Variants in SLC35A3 observed in about 807,000 individuals in gnomAD.
The protein encoded by SLC35A3 is solute carrier family 35 member A3, also known as UDP-N-acetylglucosamine transporter.
In SLC35A3, 26 loss-of-function variants were observed where a neutral mutation model predicts 39.0. The ratio of observed to expected loss-of-function variants is 0.67; its 90% CI spans 0.49 to 0.92. SLC35A3 has a LOEUF of 0.92. Among genes scored for constraint, SLC35A3 ranks in the 40% least tolerant of loss-of-function variants. The pLI is 0.00. For synonymous variants in SLC35A3, 135 were observed against 133.1 expected (o/e 1.01, Z -0.10); for missense variants, 299 against 371.6 (o/e 0.80, Z 1.61).
intron 3 of SLC35A3, among the ~76,000 whole-genome samples, chr1:100,000,434 C>T (rs543453398): frequency 6.6e-5 from 10 of 151,850 alleles, no homozygotes; most frequent in South Asian, 2.1e-4. Context: ...ATTATTTGTT[C>T]TTACGCTCTG....
Position 100,032,441 on chromosome 1 carries a change from T to G in SLC35A3, c.*9965T>G, listed in dbSNP as rs1489712794. ...CTTTAAAAAAAAGACCATGTCTTCA[T>G]GAATTTAAAAAAAATTACTCAATAT... is the stretch of plus-strand genomic sequence containing the variant. On this transcript the variant is annotated 3_prime_UTR_variant, in exon 8 of 8. Coordinates refer to ENST00000533028, the MANE Select transcript of SLC35A3 (RefSeq NM_012243.3). The G allele has an allele frequency of 6.6e-6, 1 of 152,230 alleles. No homozygotes were observed. The highest frequency in any genetic ancestry group is 1.5e-5 in the Non-Finnish European group (1 of 68,030). The allele number at this position is 152,230 out of a possible 1,614,324, so 9.4% of individuals were successfully genotyped here.
At chr1:99,992,532 G>C (rs1028655891) in intron 1 of SLC35A3, among the ~76,000 whole-genome samples, 4 of 152,000 alleles carry the variant, frequency 2.6e-5, no homozygotes, top group African/African-American at 9.7e-5. Flanking sequence ...GTTTCATTGG[G>C]GGAAGCTGGG....
At chr1:100,015,526 G>A (rs941849826) in intron 6 of SLC35A3, 106 bp downstream of exon 6, 90 of 1,213,088 alleles carry the variant, frequency 7.4e-5, no homozygotes, top group Non-Finnish European at 9.5e-5. Context: ...GGTCCCTCCT[G>A]TTAGTGCTCT....
chr1:99,977,498 C>T (rs993359706), intron 1 of SLC35A3, among the ~76,000 whole-genome samples: 2 of 150,304 alleles, frequency 1.3e-5, no homozygotes, highest in African/African-American at 4.9e-5. Context: ...GCCAAGATCA[C>T]GCCATTGCAC....
chr1:100,006,993 A>G, intron 3 of SLC35A3, 41 bp from the exon 4 acceptor site: 1 of 1,555,196 alleles, frequency 6.4e-7, no homozygotes, highest in Non-Finnish European at 8.7e-7. Flanking sequence ...ACAAACAAAC[A>G]AACAAACGAA....
At chr1:100,015,249 T>C in intron 5 of SLC35A3, 53 bp from the exon 6 acceptor site, 1 of 1,402,094 alleles carries the variant, frequency 7.1e-7, no homozygotes, top group Non-Finnish European at 9.4e-7. Flanking sequence ...GGAAAAAATA[T>C]ATCTCTTCAG....
intron 7 of SLC35A3, 56 bp from the exon 8 acceptor site, chr1:100,022,330 C>A (rs1660606217): frequency 5.4e-6 from 5 of 924,876 alleles, no homozygotes; most frequent in Non-Finnish European, 8.5e-6. Context: ...ATAGAAGGAA[C>A]TTGTTCTGCT....
Position 100,025,024 on chromosome 1 carries a change from A to C in SLC35A3, c.*2548A>C. On this transcript the variant is annotated 3_prime_UTR_variant, in exon 8 of 8. Transcript: ENST00000533028. ...GTTTAAAAGCATTTAAAATTACCAA[A>C]TCTTTAAAATCACTTTGGTGGTGAT... 1 of 226,966 alleles carries C rather than the reference A, an allele frequency of 4.4e-6. No homozygotes were observed. The highest frequency in any genetic ancestry group is 8.4e-6 in the Non-Finnish European group (1 of 118,692). 14.1% of individuals were successfully genotyped at this position (226,966 alleles called of 1,614,324 possible). A position where few individuals can be genotyped will look rare whatever the true frequency, so the allele number is the denominator to read the frequency against.
intron 1 of SLC35A3, among the ~76,000 whole-genome samples, chr1:99,990,728 C>G (rs115502992): frequency 0.011 from 1,682 of 152,270 alleles, 32 homozygotes; most frequent in African/African-American, 0.038. Flanking sequence ...CTCTTCTCCT[C>G]TCTGTCCCCT....
chr1:100,022,327 G>A (rs1660606020), intron 7 of SLC35A3, 59 bp from the exon 8 acceptor site: 1 of 875,932 alleles, frequency 1.1e-6, no homozygotes, highest in African/African-American at 1.7e-5. Context: ...GAAATAGAAG[G>A]AACTTGTTCT....
chr1:100,013,279 G>C (rs1394773266), intron 5 of SLC35A3, among the ~76,000 whole-genome samples: 1 of 151,820 alleles, frequency 6.6e-6, no homozygotes, highest in East Asian at 1.9e-4. Context: ...CAGGAGTTTT[G>C]AGACCTGAGC....
chr1:100,013,327 A>G (rs980751716), intron 5 of SLC35A3, among the ~76,000 whole-genome samples: 1 of 151,548 alleles, frequency 6.6e-6, no homozygotes. Context: ...ATATATATAT[A>G]TAAGCCTGGA....
chr1:100,009,603 T>A (rs1234344154), intron 4 of SLC35A3: 2 of 152,154 alleles, frequency 1.3e-5, no homozygotes, highest in African/African-American at 4.8e-5. Context: ...TGGGGAGAAA[T>A]ACTGAAGGAA....
intron 1 of SLC35A3, among the ~76,000 whole-genome samples, chr1:99,984,546 G>A (rs955502403): frequency 4.6e-5 from 7 of 152,148 alleles, no homozygotes; most frequent in East Asian, 3.8e-4. Context: ...ATAAACATGC[G>A]TGTGCAAATA....
rs1463877732 is a variant in SLC35A3 at position 100,028,097 on chromosome 1, C to T, written c.*5621C>T. 1 of 151,998 alleles carries T rather than the reference C, an allele frequency of 6.6e-6. No individual in the cohort carries two copies. Among genetic ancestry groups the T allele is most frequent in the African/African-American group, 2.4e-5 (1 of 41,348 alleles). 9.4% of individuals were successfully genotyped at this position (151,998 alleles called of 1,614,324 possible). A position where few individuals can be genotyped will look rare whatever the true frequency, so the allele number is the denominator to read the frequency against. On this transcript the variant is annotated 3_prime_UTR_variant, in exon 8 of 8. Coordinates refer to ENST00000533028, the MANE Select transcript of SLC35A3 (RefSeq NM_012243.3). ...TGGGATTACAGGCCATGCCACCACG[C>T]CCAACTAATTTTTGTATTTTTAGTA...
intron 3 of SLC35A3, among the ~76,000 whole-genome samples, chr1:100,005,956 T>G (rs1326671733): frequency 3.3e-5 from 5 of 152,372 alleles, no homozygotes; most frequent in Admixed American, 6.5e-5. Flanking sequence ...GCATCTGGTA[T>G]AACAATAGCT....
chr1:100,014,935 G>C (rs1659958039), intron 5 of SLC35A3, among the ~76,000 whole-genome samples: 1 of 152,106 alleles, frequency 6.6e-6, no homozygotes, highest in African/African-American at 2.4e-5. Flanking sequence ...AAGGCAGGTG[G>C]ATCATGAGGT....
At chr1:99,984,269 C>T (rs1469224267) in intron 1 of SLC35A3, among the ~76,000 whole-genome samples, 6 of 152,182 alleles carry the variant, frequency 3.9e-5, no homozygotes, top group Non-Finnish European at 2.9e-5. Flanking sequence ...AAGGAATAGA[C>T]TTAGAGTTGT....
rs1332749304 is a variant in SLC35A3, at chr1:100,033,666, T to G, written c.*11190T>G. ...GGCCTCTACTATTTAATTTGACACC[T>G]TTAAATGATGTTCTTTGACTCTTAT... On this transcript the variant is annotated 3_prime_UTR_variant, in exon 8 of 8. Transcript: ENST00000533028. 4.6e-5 allele frequency: 7 copies of G among 152,300 alleles called. No individual in the cohort carries two copies. The highest frequency in any genetic ancestry group is 1.9e-4 in the East Asian group (1 of 5,184). The allele number at this position is 152,300 out of a possible 1,614,324, so 9.4% of individuals were successfully genotyped here. A position where few individuals can be genotyped will look rare whatever the true frequency, so the allele number is the denominator to read the frequency against.
Sources: gnomAD v4.1 joint callset for allele counts (sites outside exome capture counted in the v4.1 genomes callset) on GRCh38, gnomAD v4.1.1 for gene constraint, MANE v1.5 for transcripts, NCBI Gene and HGNC (gene_info 2026-07-23, HGNC 2026-07-21) for gene names.